The following PMS1 variants were observed in gnomAD, a reference collection of about 807,000 sequenced individuals.
PMS1 encodes PMS1 homolog 1, mismatch repair system component.
Under a neutral mutation model 93.1 loss-of-function variants are expected in PMS1, and 79 were observed. That is an observed-to-expected ratio of 0.85 (90% CI 0.71 to 1.02). The LOEUF is 1.02. PMS1 is among the 50% of genes least tolerant of loss of function. PMS1 has a pLI of 0.00. For synonymous variants in PMS1, 335 were observed against 363.4 expected, an observed-to-expected ratio of 0.92 and a Z score of 0.89; for missense variants, 1,064 against 1,085.3, an observed-to-expected ratio of 0.98 and a Z score of 0.28.
chr2:189,784,761 T>C (rs1899026), intron 1 of PMS1, 168 bp downstream of exon 1: 149,962 of 152,780 alleles, frequency 0.98, 73,658 homozygotes, highest in East Asian at 1. Flanking sequence ...GGAACGCGTT[T>C]TCTGAGCAGG....
chr2:189,877,309 A>G lies in PMS1; in HGVS notation c.2672A>G (p.Tyr891Cys), dbSNP rs2057659872. The change falls in exon 13 of 13, where the codon TAC becomes TGC. Residue 891 changes from tyrosine to cysteine, a missense_variant. Tyr to Cys is a radical substitution (Grantham distance 194, BLOSUM62 -2). Coordinates refer to ENST00000441310, the MANE Select transcript of PMS1 (RefSeq NM_000534.5). ...AVRLSRQLPM[Y>C]LSKEDIQDII... ...CGTCTATCCAGACAATTACCCATGT[A>G]CTTATCAAAAGAGGACATCCAAGAC... 1 of 1,613,724 alleles carries G rather than the reference A, an allele frequency of 6.2e-7. No homozygotes were observed. Among genetic ancestry groups the G allele is most frequent in the South Asian group, 1.1e-5 (1 of 91,076 alleles).
At chr2:189,806,044 C>T (rs1177482645) in intron 4 of PMS1, 4 of 780,874 alleles carry the variant, frequency 5.1e-6, no homozygotes, top group Non-Finnish European at 7.5e-6. Context: ...TTACCAGTGT[C>T]ATCTTCATAT....
At chr2:189,794,202 TC>T (rs1192901571) in intron 2 of PMS1, among the ~76,000 whole-genome samples, 1 of 152,208 alleles carries the variant, frequency 6.6e-6, no homozygotes, top group Non-Finnish European at 1.5e-5. Context: ...AACCTCCGTC[TC>T]CCGGTCTCAA....
intron 3 of PMS1, among the ~76,000 whole-genome samples, chr2:189,801,944 T>C (rs2049929095): frequency 6.6e-6 from 1 of 152,228 alleles, no homozygotes; most frequent in African/African-American, 2.4e-5. Context: ...TATTCCACAT[T>C]TTGGGGAAAT....
intron 6 of PMS1, among the ~76,000 whole-genome samples, chr2:189,850,660 T>G (rs1468704724): frequency 6.6e-6 from 1 of 151,696 alleles, no homozygotes; most frequent in African/African-American, 2.4e-5. Context: ...TTATACGGGA[T>G]AAGGAAAAGG....
Position 189,864,186 on chromosome 2 carries a change from T to C in PMS1, c.2300T>C (p.Leu767Pro), listed in dbSNP as rs756008351. The change falls in exon 10 of 13, where the codon CTT becomes CCT. Residue 767 changes from leucine to proline, a missense_variant. By Grantham distance (98) the Leu-to-Pro change is moderately conservative. Coordinates refer to ENST00000441310, the MANE Select transcript of PMS1 (RefSeq NM_000534.5). The stretch of plus-strand genomic sequence containing the variant: ...AAAAGACTTCTTGAGAATCATAAAC[T>C]TCCTGCAGAGCCACTGGAAAAGCCA... ...LFKRLLENHK[L>P]PAEPLEKPIM... 4 of 1,610,202 alleles carry C rather than the reference T, an allele frequency of 2.5e-6. No individual in the cohort carries two copies. In the African/African-American group the frequency reaches 5.4e-5, roughly 22 times the overall value.
intron 5 of PMS1, among the ~76,000 whole-genome samples, chr2:189,822,807 G>A (rs541414982): frequency 2.6e-5 from 4 of 152,264 alleles, no homozygotes; most frequent in Admixed American, 1.3e-4. Context: ...TGGATATACT[G>A]TATCTGAAGA....
intron 11 of PMS1, among the ~76,000 whole-genome samples, chr2:189,872,257 CTG>C (rs2057215033): frequency 6.6e-6 from 1 of 152,186 alleles, no homozygotes; most frequent in Non-Finnish European, 1.5e-5. Context: ...GATACCATCT[CTG>C]TAGTCTACCA....
intron 5 of PMS1, among the ~76,000 whole-genome samples, chr2:189,826,495 A>G (rs1192513751): frequency 1.4e-5 from 2 of 146,742 alleles, no homozygotes; most frequent in African/African-American, 2.5e-5. Flanking sequence ...TACTAAATTT[A>G]TTAAATGGTT....
At chr2:189,861,738 ACT>A (rs1165931808) in intron 9 of PMS1, among the ~76,000 whole-genome samples, 14 of 133,392 alleles carry the variant, frequency 1.0e-4, no homozygotes, top group African/African-American at 4.6e-4. Context: ...AGACAGAGAG[ACT>A]CTGTCTCAAA....
chr2:189,796,096 C>A (rs542498827), intron 3 of PMS1, 145 bp downstream of exon 3: 23 of 675,242 alleles, frequency 3.4e-5, no homozygotes, highest in Admixed American at 2.3e-4. Context: ...AGGTGGCTCA[C>A]GCCTGTAATC....
chr2:189,788,143 CAGA>C (rs1455393667), intron 1 of PMS1, among the ~76,000 whole-genome samples: 1 of 152,250 alleles, frequency 6.6e-6, no homozygotes, highest in Middle Eastern at 3.4e-3. Context: ...TAAGACTGCT[CAGA>C]AGGAGTCAGT....
intron 7 of PMS1, 132 bp downstream of exon 7, chr2:189,852,909 TAGAA>T (rs748554071): frequency 4.0e-5 from 27 of 667,230 alleles, no homozygotes; most frequent in Middle Eastern, 4.1e-4. Context: ...TTATGCATGA[TAGAA>T]AGACATATGA....
At chr2:189,868,182 C>G (rs2056825426) in intron 11 of PMS1, among the ~76,000 whole-genome samples, 1 of 152,144 alleles carries the variant, frequency 6.6e-6, no homozygotes, top group African/African-American at 2.4e-5. Context: ...TAATTTTTGT[C>G]ATCCTTTGAC....
chr2:189,815,913 C>T (rs1487431721), intron 4 of PMS1, among the ~76,000 whole-genome samples: 1 of 152,008 alleles, frequency 6.6e-6, no homozygotes, highest in African/African-American at 2.4e-5. Flanking sequence ...GTCTTTTTTT[C>T]CCCCCTTAGA....
intron 2 of PMS1, among the ~76,000 whole-genome samples, 192 bp from the exon 3 acceptor site, chr2:189,795,577 G>A (rs5742979): frequency 0.036 from 5,508 of 152,260 alleles, 340 homozygotes; most frequent in African/African-American, 0.13. Flanking sequence ...TGTGTCCAGA[G>A]AAAACAAGGG....
intron 4 of PMS1, among the ~76,000 whole-genome samples, chr2:189,812,249 C>T (rs138543962): frequency 0.034 from 5,183 of 152,124 alleles, 101 homozygotes; most frequent in South Asian, 0.063. Context: ...TGCAGTTAGC[C>T]GAGATCACGC....
At chr2:189,792,909 A>C (rs1450396056) in intron 2 of PMS1, among the ~76,000 whole-genome samples, 1 of 151,794 alleles carries the variant, frequency 6.6e-6, no homozygotes, top group South Asian at 2.1e-4. Context: ...TCCCCGGTTC[A>C]TGCAATTCTC....
intron 4 of PMS1, among the ~76,000 whole-genome samples, chr2:189,811,414 C>G (rs1389779046): frequency 6.6e-6 from 1 of 151,868 alleles, no homozygotes; most frequent in East Asian, 1.9e-4. Flanking sequence ...ATGGTTAAAC[C>G]CCATCTCTAC....
Sources: allele counts gnomAD v4.1 joint callset (sites outside exome capture counted in the v4.1 genomes callset), GRCh38; gene constraint gnomAD v4.1.1; transcripts MANE v1.5; gene names NCBI Gene and HGNC (gene_info 2026-07-23, HGNC 2026-07-21).